FOXP4: variants seen among roughly 807,000 people sequenced by gnomAD.
FOXP4 encodes forkhead box protein P4.
FOXP4 carries 25 observed loss-of-function variants against 82.6 expected under a neutral mutation model. The observed-to-expected ratio is 0.30, with a 90% CI of 0.22 to 0.42. The LOEUF is 0.42. FOXP4 is among the 10% of genes least tolerant of loss of function. FOXP4 has a pLI of 1.00. For synonymous variants in FOXP4, 415 were observed against 388.2 expected (o/e 1.07, Z -0.81); for missense variants, 785 against 900.9 (o/e 0.87, Z 1.65).
intron 16 of FOXP4, 113 bp downstream of exon 16, chr6:41,598,063 C>T (rs1766972387): frequency 2.3e-6 from 2 of 875,294 alleles, no homozygotes; most frequent in Admixed American, 6.6e-5. Flanking sequence ...CACGCCTCTC[C>T]CCAGGACAAG....
At chr6:41,589,002 A>G (rs900762623) in intron 9 of FOXP4, among the ~76,000 whole-genome samples, 1 of 152,230 alleles carries the variant, frequency 6.6e-6, no homozygotes, top group Non-Finnish European at 1.5e-5. Flanking sequence ...AATTATTAGC[A>G]GCTAACATAT....
intron 2 of FOXP4, among the ~76,000 whole-genome samples, chr6:41,571,578 C>T (rs765092745): frequency 7.9e-5 from 12 of 152,144 alleles, no homozygotes; most frequent in Non-Finnish European, 1.3e-4. Context: ...TGTGTCTGTG[C>T]GTTGCTGGTT....
chr6:41,565,855 G>A lies in FOXP4; in HGVS notation c.95G>A (p.Gly32Asp), dbSNP rs754890641. The change falls in exon 2 of 17, where the codon GGC becomes GAC. Residue 32 changes from glycine to aspartate, a missense_variant. Gly to Asp is a moderately conservative substitution (Grantham distance 94). Around this residue, in one of 3 missense-constraint regions of FOXP4, gnomAD observed 570 missense variants for 634.0 expected, o/e 0.90. Transcript: ENST00000307972. ...SLSGQADGSSGGATGTTASGT... is the reference protein window; with the variant it reads ...SLSGQADGSSDGATGTTASGT... The stretch of plus-strand genomic sequence containing the variant: ...TCTGGGCAAGCCGATGGCAGCAGCG[G>A]CGGGGCCACAGGGACAACTGCAAGT... 23 of 1,613,860 alleles carry A rather than the reference G, an allele frequency of 1.4e-5. No homozygotes were observed. The highest frequency in any genetic ancestry group is 8.3e-5 in the Admixed American group (5 of 60,014).
At chr6:41,598,725 G>A (rs765639586) in intron 16 of FOXP4, 64 bp from the exon 17 acceptor site, 8 of 1,546,978 alleles carry the variant, frequency 5.2e-6, no homozygotes, top group Non-Finnish European at 7.0e-6. Flanking sequence ...GTGAGTTTGG[G>A]GGGCAGGGGG....
chr6:41,573,860 T>G (rs1235369142), intron 2 of FOXP4, among the ~76,000 whole-genome samples: 1 of 152,118 alleles, frequency 6.6e-6, no homozygotes. Flanking sequence ...CATGCATGAA[T>G]GGACAGTACA....
At chr6:41,547,798 G>A (rs1398276203) in intron 1 of FOXP4, among the ~76,000 whole-genome samples, 1 of 144,698 alleles carries the variant, frequency 6.9e-6, no homozygotes, top group African/African-American at 2.8e-5. Flanking sequence ...CCCCAACTGA[G>A]GAGTCTGGTA....
intron 6 of FOXP4, 33 bp from the exon 7 acceptor site, chr6:41,587,266 G>A (rs920208250): frequency 1.9e-6 from 3 of 1,609,444 alleles, no homozygotes; most frequent in African/African-American, 2.7e-5. Context: ...AGTGTTCGTG[G>A]GGCCCTGCCA....
intron 2 of FOXP4, among the ~76,000 whole-genome samples, chr6:41,566,425 C>T (rs1426930885): frequency 6.6e-6 from 1 of 152,200 alleles, no homozygotes; most frequent in Non-Finnish European, 1.5e-5. Context: ...CAGCTTGGGC[C>T]TCCATTTCCA....
At chr6:41,549,543 G>A (rs540395313) in intron 1 of FOXP4, among the ~76,000 whole-genome samples, 40 of 152,220 alleles carry the variant, frequency 2.6e-4, no homozygotes, top group Non-Finnish European at 5.1e-4. Context: ...CTTCCTTGGT[G>A]GGAGGGAAGC....
chr6:41,578,123 G>A (rs998132867), intron 3 of FOXP4, 42 bp downstream of exon 3: 7 of 1,556,018 alleles, frequency 4.5e-6, no homozygotes, highest in Middle Eastern at 1.7e-4. Context: ...TTGGGCTGGA[G>A]TGTGGGCCTG....
intron 5 of FOXP4, among the ~76,000 whole-genome samples, chr6:41,585,834 A>C (rs1581767850): frequency 6.6e-6 from 1 of 151,476 alleles, no homozygotes; most frequent in South Asian, 2.1e-4. Context: ...TGGTCGCACC[A>C]TCTTCCTGCC....
At chr6:41,578,169 C>T (rs1765595829) in intron 3 of FOXP4, 88 bp downstream of exon 3, 19 of 1,124,160 alleles carry the variant, frequency 1.7e-5, no homozygotes, top group Non-Finnish European at 2.4e-5. Flanking sequence ...TGGAGAACTG[C>T]TCTTGCCAGT....
intron 7 of FOXP4, 109 bp from the exon 8 acceptor site, chr6:41,587,684 C>A: frequency 1.1e-6 from 1 of 925,302 alleles, no homozygotes; most frequent in Admixed American, 2.4e-5. Flanking sequence ...GCTGGGAAAC[C>A]TGTATTGGGG....
intron 1 of FOXP4, among the ~76,000 whole-genome samples, chr6:41,560,599 C>T (rs907468669): frequency 6.6e-6 from 1 of 152,260 alleles, no homozygotes; most frequent in Non-Finnish European, 1.5e-5. Flanking sequence ...CCCTCTCTCC[C>T]TCCCCCGCGG....
chr6:41,596,908 TCCCAG>T (rs1054029103), intron 14 of FOXP4, among the ~76,000 whole-genome samples: 1 of 152,024 alleles, frequency 6.6e-6, no homozygotes, highest in African/African-American at 2.4e-5. Flanking sequence ...AGTTCCCACT[TCCCAG>T]CTCCGAGACC....
At position 41,573,695 on chromosome 6, in the gene FOXP4, G is replaced by T. The variant is rs146198445; in HGVS notation, c.205-4291G>T. Among the ~76,000 whole-genome samples, 104 of 152,314 alleles carry T rather than the reference G, an allele frequency of 6.8e-4. 1 individual carries two copies. Among genetic ancestry groups the T allele is most frequent in the African/African-American group, 2.3e-3 (96 of 41,552 alleles). The stretch of plus-strand genomic sequence containing the variant: ...GTGTGCTAAGTACTCCATGTGCACA[G>T]TCCCACATGCTGTTCCCAGGAACCC... On this transcript the variant is annotated intron_variant, in intron 2 of 16. Coordinates refer to ENST00000307972, the MANE Select transcript of FOXP4 (RefSeq NM_001012426.2).
At chr6:41,594,209 T>C (rs1212528659) in intron 13 of FOXP4, among the ~76,000 whole-genome samples, 2 of 152,178 alleles carry the variant, frequency 1.3e-5, no homozygotes, top group Non-Finnish European at 1.5e-5. Flanking sequence ...CTTATCTTCT[T>C]TCTCTCCTCT....
chr6:41,598,773 C>G lies in FOXP4; in HGVS notation c.1896-16C>G, dbSNP rs1207697996. Reference sequence around the variant, plus strand: ...GAGGACAGCCGCCTGGTGCCCATGCCATACTTTTGCCTCAGCCACCAGGTG... The same window carrying G: ...GAGGACAGCCGCCTGGTGCCCATGCGATACTTTTGCCTCAGCCACCAGGTG... On this transcript the variant is annotated splice_polypyrimidine_tract_variant and intron_variant, in intron 16 of 16. Transcript: ENST00000307972. 1 of 1,552,664 alleles carries G rather than the reference C, an allele frequency of 6.4e-7. No individual in the cohort carries two copies. Among genetic ancestry groups the G allele is most frequent in the African/African-American group, 1.4e-5 (1 of 73,360 alleles).
chr6:41,598,186 C>T (rs1450858164), intron 16 of FOXP4, among the ~76,000 whole-genome samples: 1 of 151,178 alleles, frequency 6.6e-6, no homozygotes, highest in African/African-American at 2.4e-5. Context: ...CCATTTTCCC[C>T]CTTTCTTATT....
Sources: gnomAD v4.1 joint callset for allele counts (sites outside exome capture counted in the v4.1 genomes callset) on GRCh38, gnomAD v4.1.1 for gene constraint, gnomAD v4.1.1 regional missense constraint, MANE v1.5 for transcripts, NCBI Gene and HGNC (gene_info 2026-07-23, HGNC 2026-07-21) for gene names.